Variants in RGS7 observed in about 807,000 individuals in gnomAD.
RGS7 encodes regulator of G protein signaling 7, also known as regulator of G-protein signaling 7.
Under a neutral mutation model 81.1 loss-of-function variants are expected in RGS7, and 27 were observed. The ratio of observed to expected loss-of-function variants is 0.33; its 90% CI spans 0.25 to 0.46. The LOEUF (loss-of-function observed/expected upper bound fraction) is 0.46, where lower values mean the gene tolerates loss of function less well. RGS7 is among the 20% of genes least tolerant of loss of function. The pLI, the probability that RGS7 is intolerant of heterozygous loss-of-function variation, is 1.00. For missense variants in RGS7, 396 were observed against 607.4 expected (o/e 0.65, Z 3.66); for synonymous variants, 208 against 207.7 (o/e 1.00, Z -0.01).
intron 9 of RGS7, among the ~76,000 whole-genome samples, chr1:240,848,534 G>T (rs1487508403): frequency 6.6e-6 from 1 of 151,800 alleles, no homozygotes; most frequent in Non-Finnish European, 1.5e-5. Context: ...GAAAATGATA[G>T]CTGTGTAAGA....
intron 18 of RGS7, among the ~76,000 whole-genome samples, chr1:240,777,758 TC>T (rs1321292070): frequency 6.6e-6 from 1 of 152,286 alleles, no homozygotes; most frequent in East Asian, 1.9e-4. Flanking sequence ...GGAAATAAGC[TC>T]CCTGGGACCT....
chr1:240,810,727 G>C (rs568304328), intron 14 of RGS7, among the ~76,000 whole-genome samples: 58 of 152,302 alleles, frequency 3.8e-4, no homozygotes, highest in African/African-American at 1.3e-3. Flanking sequence ...GGGATTATAG[G>C]CGTGAGCCCT....
chr1:240,888,436 G>C (rs569475794), intron 6 of RGS7, among the ~76,000 whole-genome samples: 2 of 152,286 alleles, frequency 1.3e-5, no homozygotes, highest in Admixed American at 6.5e-5. Context: ...ACAGGTGTGT[G>C]TGGATACTGG....
intron 9 of RGS7, among the ~76,000 whole-genome samples, chr1:240,862,745 C>T (rs571814558): frequency 6.6e-6 from 1 of 152,046 alleles, no homozygotes; most frequent in East Asian, 1.9e-4. Flanking sequence ...TCAGTTAGAT[C>T]GTGTCACAGA....
rs1464041994 is a variant in RGS7, at chr1:241,221,059, G to GAAAGAAAGAAAGAA, written c.79-122298_79-122297insTTCTTTCTTTCTTT. Among the ~76,000 whole-genome samples the GAAAGAAAGAAAGAA allele has an allele frequency of 1.6e-3, 213 of 130,948 alleles. 1 individual carries two copies. The highest frequency in any genetic ancestry group is 5.8e-3 in the African/African-American group (202 of 35,088). The allele number at this position is 130,948 out of a possible 152,430, so 85.9% of individuals were successfully genotyped here. On this transcript the variant is annotated intron_variant, in intron 2 of 18. Transcript: ENST00000440928. The stretch of plus-strand genomic sequence containing the variant: ...GAAGGAAAAGAAAGAAAGAAAGAAA[G>GAAAGAAAGAAAGAA]AGAGAGAGAGAGAAAGGAAGGAAGG...
At chr1:240,820,638 C>T (rs892854648) in intron 10 of RGS7, among the ~76,000 whole-genome samples, 9 of 152,016 alleles carry the variant, frequency 5.9e-5, no homozygotes, top group African/African-American at 2.2e-4. Context: ...TATAAAGAGG[C>T]CTGAGGGAGC....
At position 240,973,037 on chromosome 1, in the gene RGS7, A is replaced by G. The variant is rs77265331; in HGVS notation, c.226+10042T>C. Reference sequence around the variant, plus strand: ...GCACTCCAGCCTGGACAACAGGAGAAAGACTCCAATTAAAAAAAAAAAAAG... The same window carrying G: ...GCACTCCAGCCTGGACAACAGGAGAGAGACTCCAATTAAAAAAAAAAAAAG... On this transcript the variant is annotated intron_variant, in intron 4 of 18. Transcript: ENST00000440928. 8.5e-3 allele frequency among the ~76,000 whole-genome samples: 1,285 copies of G among 151,366 alleles called. 9 individuals carry two copies. The highest frequency in any genetic ancestry group is 0.014 in the Middle Eastern group (4 of 294).
intron 3 of RGS7, chr1:240,998,397 C>CT (rs113072425): frequency 0.014 from 6,700 of 475,492 alleles, no homozygotes; most frequent in South Asian, 0.021. Context: ...TCTTCAAGTA[C>CT]TTTTTTTTTT....
intron 9 of RGS7, among the ~76,000 whole-genome samples, chr1:240,840,965 T>A (rs1382415355): frequency 6.6e-6 from 1 of 152,222 alleles, no homozygotes; most frequent in Non-Finnish European, 1.5e-5. Flanking sequence ...TGCATTTGTG[T>A]GTGCTTGAGA....
chr1:241,315,938 T>G (rs150279944), intron 2 of RGS7, among the ~76,000 whole-genome samples: 2 of 152,376 alleles, frequency 1.3e-5, no homozygotes, highest in Admixed American at 1.3e-4. Context: ...ATGCTTTCTC[T>G]GTATCTTTTG....
At chr1:240,792,151 T>C (rs531823524) in intron 18 of RGS7, among the ~76,000 whole-genome samples, 82 of 152,356 alleles carry the variant, frequency 5.4e-4, no homozygotes, top group Admixed American at 1.6e-3. Context: ...AATGAGCTAA[T>C]GGTCATATAT....
intron 6 of RGS7, among the ~76,000 whole-genome samples, chr1:240,889,476 G>T (rs974423929): frequency 6.6e-6 from 1 of 152,154 alleles, no homozygotes; most frequent in African/African-American, 2.4e-5. Flanking sequence ...GGAGCCTACG[G>T]AGCCCTGGCT....
intron 3 of RGS7, among the ~76,000 whole-genome samples, chr1:241,022,972 C>A: frequency 6.6e-6 from 1 of 151,944 alleles, no homozygotes; most frequent in South Asian, 2.1e-4. Context: ...CTAATAACAA[C>A]TATTGTTGTT....
At chr1:241,057,674 G>A (rs987582361) in intron 3 of RGS7, among the ~76,000 whole-genome samples, 7 of 152,014 alleles carry the variant, frequency 4.6e-5, no homozygotes, top group Non-Finnish European at 8.8e-5. Flanking sequence ...AGCACTTTGG[G>A]AGGCCGAGGT....
intron 2 of RGS7, among the ~76,000 whole-genome samples, chr1:241,213,505 A>G (rs1469630640): frequency 6.6e-6 from 1 of 152,198 alleles, no homozygotes; most frequent in Non-Finnish European, 1.5e-5. Flanking sequence ...TCTCTGTGGA[A>G]TTTTTAGTGC....
chr1:240,937,132 A>G (rs1348358375), intron 4 of RGS7, among the ~76,000 whole-genome samples: 2 of 152,176 alleles, frequency 1.3e-5, no homozygotes, highest in Admixed American at 1.3e-4. Context: ...AATTTTAAAC[A>G]GTAGCCAATC....
chr1:241,061,949 A>C (rs1275049435), intron 3 of RGS7, among the ~76,000 whole-genome samples: 2 of 152,204 alleles, frequency 1.3e-5, no homozygotes, highest in East Asian at 3.9e-4. Flanking sequence ...CTCAACACTC[A>C]AGAATCACAA....
intron 2 of RGS7, among the ~76,000 whole-genome samples, chr1:241,330,990 A>T (rs1416454713): frequency 6.6e-6 from 1 of 152,196 alleles, no homozygotes; most frequent in Non-Finnish European, 1.5e-5. Context: ...CCATTAGTAC[A>T]TCTCTATTTA....
chr1:241,313,471 T>G (rs2080674480), intron 2 of RGS7, among the ~76,000 whole-genome samples: 2 of 152,184 alleles, frequency 1.3e-5, no homozygotes, highest in Admixed American at 1.3e-4. Context: ...CTAAATCCAC[T>G]CTGCCTGTGC....
Sources: gnomAD v4.1 joint callset for allele counts (sites outside exome capture counted in the v4.1 genomes callset) on GRCh38, gnomAD v4.1.1 for gene constraint, MANE v1.5 for transcripts, NCBI Gene and HGNC (gene_info 2026-07-23, HGNC 2026-07-21) for gene names.